MYO9B: variants seen among roughly 807,000 people sequenced by gnomAD.
MYO9B encodes the protein unconventional myosin-IXb.
MYO9B carries 71 observed loss-of-function variants against 229.5 expected under a neutral mutation model. The observed-to-expected ratio is 0.31, with a 90% CI of 0.26 to 0.38. MYO9B has a LOEUF of 0.38. Among genes scored for constraint, MYO9B ranks in the 10% least tolerant of loss-of-function variants. The pLI is 1.00. For synonymous variants in MYO9B, 1,185 were observed against 1,235.8 expected (o/e 0.96, Z 0.86); for missense variants, 2,255 against 2,920.5 (o/e 0.77, Z 5.25).
chr19:17,160,896 AC>A (rs1214170325), intron 8 of MYO9B, among the ~76,000 whole-genome samples: 2 of 151,548 alleles, frequency 1.3e-5, no homozygotes, highest in Admixed American at 1.3e-4. Context: ...ACAGGGTTTC[AC>A]CATGCTGGTC....
chr19:17,157,337 C>T (rs1160517481), intron 7 of MYO9B: 4 of 286,242 alleles, frequency 1.4e-5, no homozygotes, highest in Non-Finnish European at 2.7e-5. Flanking sequence ...GGCGGATGAC[C>T]TGAGGTCAGG....
At chr19:17,093,094 G>A (rs1382934568) in intron 1 of MYO9B, among the ~76,000 whole-genome samples, 1 of 152,158 alleles carries the variant, frequency 6.6e-6, no homozygotes, top group African/African-American at 2.4e-5. Flanking sequence ...CACTTTGGGA[G>A]GCTGAGGTGG....
At chr19:17,111,597 A>AT (rs1568667357) in intron 2 of MYO9B, among the ~76,000 whole-genome samples, 1 of 151,966 alleles carries the variant, frequency 6.6e-6, no homozygotes, top group Non-Finnish European at 1.5e-5. Context: ...TAATTTTTTT[A>AT]TTTTTTGTAG....
intron 20 of MYO9B, among the ~76,000 whole-genome samples, chr19:17,191,837 G>T (rs529009291): frequency 6.6e-6 from 1 of 152,248 alleles, no homozygotes; most frequent in South Asian, 2.1e-4. Context: ...TTAGCCAAGC[G>T]TGGTGGCATG....
chr19:17,120,686 G>A (rs756690993), intron 2 of MYO9B, among the ~76,000 whole-genome samples: 3 of 146,778 alleles, frequency 2.0e-5, no homozygotes, highest in Non-Finnish European at 4.5e-5. Flanking sequence ...ATATCTAAAT[G>A]TATATCTCCT....
chr19:17,210,445 G>A (rs988268225), intron 37 of MYO9B, 65 bp downstream of exon 37: 416 of 1,489,414 alleles, frequency 2.8e-4, no homozygotes, highest in Non-Finnish European at 3.6e-4. Context: ...GGGGTTCCCT[G>A]GGGCCCTGGG....
At chr19:17,116,557 C>T (rs997240749) in intron 2 of MYO9B, among the ~76,000 whole-genome samples, 1 of 152,254 alleles carries the variant, frequency 6.6e-6, no homozygotes, top group South Asian at 2.1e-4. Context: ...CATTGTGACC[C>T]GGCAGCATTC....
At chr19:17,202,663 C>T (rs2145496023) in intron 28 of MYO9B, among the ~76,000 whole-genome samples, 179 bp from the exon 29 acceptor site, 1 of 152,328 alleles carries the variant, frequency 6.6e-6, no homozygotes, top group Admixed American at 6.5e-5. Context: ...CTGCACCCTC[C>T]CCAACAGAGC....
At chr19:17,119,579 AT>A (rs1182452558) in intron 2 of MYO9B, among the ~76,000 whole-genome samples, 1 of 152,114 alleles carries the variant, frequency 6.6e-6, no homozygotes, top group Admixed American at 6.5e-5. Flanking sequence ...CATACCTGTA[AT>A]CCCAGCACTT....
In MYO9B at chr19:17,200,706, G is replaced by A. The variant is rs1274068667; in HGVS notation, c.4440G>A (p.Gly1480=). Residue 1480 remains glycine, a synonymous_variant, in exon 26 of 40, where the codon GGG becomes GGA. Transcript: ENST00000682292. ...GCACCAAGGAACCAGGAGGCAAAGG[G>A]AAGAAGAACCGAAATGTCAAGATTG... is the stretch of plus-strand genomic sequence containing the variant. ...EKRTKEPGGK[G]KKNRNVKIGK... 6.2e-7 allele frequency: 1 copy of A among 1,614,064 alleles called. No homozygotes were observed. The highest frequency in any genetic ancestry group is 8.5e-7 in the Non-Finnish European group (1 of 1,179,902).
intron 1 of MYO9B, chr19:17,099,327 A>G (rs904027357): frequency 6.6e-6 from 1 of 151,954 alleles, no homozygotes; most frequent in African/African-American, 2.4e-5. Flanking sequence ...CAATCTATAT[A>G]CGTGGACATA....
chr19:17,206,225 G>GTGGCCCCC, intron 32 of MYO9B, 23 bp from the exon 33 acceptor site: 6 of 1,564,650 alleles, frequency 3.8e-6, no homozygotes, highest in Non-Finnish European at 4.3e-6. Context: ...CCGCTCACCA[G>GTGGCCCCC]ACCCACCCCA....
intron 1 of MYO9B, among the ~76,000 whole-genome samples, chr19:17,093,509 AC>A (rs933245732): frequency 4.6e-5 from 7 of 152,272 alleles, no homozygotes; most frequent in African/African-American, 1.4e-4. Context: ...ACCATGTGGC[AC>A]CTGGGAACCT....
intron 2 of MYO9B, among the ~76,000 whole-genome samples, chr19:17,109,062 TTATTTATTTA>T (rs2057821925): frequency 6.8e-6 from 1 of 146,510 alleles, no homozygotes; most frequent in South Asian, 2.2e-4. Context: ...ATTTATTTAT[TTATTTATTTA>T]TTTATTTATT....
intron 2 of MYO9B, among the ~76,000 whole-genome samples, chr19:17,106,636 A>C (rs2057795519): frequency 6.6e-6 from 1 of 152,250 alleles, no homozygotes; most frequent in Non-Finnish European, 1.5e-5. Context: ...AGTGATCTTG[A>C]AAATTCAGCA....
intron 9 of MYO9B, 113 bp downstream of exon 9, chr19:17,162,579 A>C: frequency 1.1e-6 from 1 of 903,166 alleles, no homozygotes; most frequent in South Asian, 1.6e-5. Context: ...TGCAATCAAG[A>C]GGCTGTTTCC....
At chr19:17,210,687 A>G in intron 37 of MYO9B, 28 bp from the exon 38 acceptor site, 1 of 1,513,484 alleles carries the variant, frequency 6.6e-7, no homozygotes, top group South Asian at 1.3e-5. Context: ...CAGAGATGTC[A>G]GTGGGACCCC....
chr19:17,180,829 G>A, intron 14 of MYO9B, 98 bp from the exon 15 acceptor site: 1 of 731,440 alleles, frequency 1.4e-6, no homozygotes, highest in East Asian at 2.8e-5. Context: ...TCAGTGGCCT[G>A]GGGATGGTCC....
chr19:17,167,832 A>G, intron 10 of MYO9B, 111 bp from the exon 11 acceptor site: 1 of 1,392,558 alleles, frequency 7.2e-7, no homozygotes, highest in Non-Finnish European at 9.7e-7. Context: ...CCTATTTTGA[A>G]GCATTTCAGA....
Sources: gnomAD v4.1 joint callset for allele counts (sites outside exome capture counted in the v4.1 genomes callset) on GRCh38, gnomAD v4.1.1 for gene constraint, MANE v1.5 for transcripts, NCBI Gene and HGNC (gene_info 2026-07-23, HGNC 2026-07-21) for gene names.